The following CWC27 variants were observed in gnomAD, a reference collection of about 807,000 sequenced individuals.
CWC27 encodes the protein spliceosome-associated protein CWC27 homolog.
A neutral mutation model predicts 63.6 loss-of-function variants in CWC27; 47 were observed. That is an observed-to-expected ratio of 0.74 (90% CI 0.58 to 0.94). The LOEUF is 0.94. CWC27 is among the 40% of genes least tolerant of loss of function. The pLI is 0.00. For synonymous variants in CWC27, 175 were observed against 179.8 expected (o/e 0.97, Z 0.22); for missense variants, 495 against 554.3 (o/e 0.89, Z 1.07).
In CWC27 at chr5:64,882,232, A is replaced by C. The variant is rs1319789685; in HGVS notation, c.939-3211A>C. Among the ~76,000 whole-genome samples the C allele has an allele frequency of 3.9e-5, 6 of 152,242 alleles. No homozygotes were observed. The East Asian group carries it at 9.6e-4, about 24-fold the overall frequency. On this transcript the variant is annotated intron_variant, in intron 10 of 13. Coordinates refer to ENST00000381070, the MANE Select transcript of CWC27 (RefSeq NM_005869.4). ...CTGATTCAATGAAAGGAAAGGGAGA[A>C]GAGTCCAAGGGAAATTTAAAGTCTG...
At chr5:64,965,984 A>G (rs1749005864) in intron 11 of CWC27, among the ~76,000 whole-genome samples, 1 of 152,190 alleles carries the variant, frequency 6.6e-6, no homozygotes, top group African/African-American at 2.4e-5. Flanking sequence ...ATGGCTAGAA[A>G]ATATAAAAAG....
intron 13 of CWC27, among the ~76,000 whole-genome samples, chr5:64,979,709 A>T (rs555420750): frequency 6.6e-6 from 1 of 152,206 alleles, no homozygotes; most frequent in African/African-American, 2.4e-5. Flanking sequence ...AAAGTCAGCC[A>T]TTGTGCTGTA....
rs551414776 is a variant in CWC27 at position 64,979,140 on chromosome 5, G to A, written c.1256+1902G>A. Among the ~76,000 whole-genome samples the A allele has an allele frequency of 5.3e-5, 8 of 152,174 alleles. No homozygotes were observed. The East Asian group carries it at 9.6e-4, about 18-fold the overall frequency. ...ACATTCTCATTAGAAAGTTTAAAACGGGGAAACTTCACTGGACATGGGGAA... is the reference window on the plus strand; with the variant it reads ...ACATTCTCATTAGAAAGTTTAAAACAGGGAAACTTCACTGGACATGGGGAA... On this transcript the variant is annotated intron_variant, in intron 13 of 13. Transcript: ENST00000381070.
intron 11 of CWC27, among the ~76,000 whole-genome samples, chr5:64,913,157 A>C (rs575385436): frequency 7.2e-4 from 109 of 152,274 alleles, no homozygotes; most frequent in Middle Eastern, 3.4e-3. Flanking sequence ...AAATCATTTC[A>C]TCATTTTGAT....
chr5:64,906,111 G>T (rs1747633542), intron 11 of CWC27, among the ~76,000 whole-genome samples: 1 of 152,058 alleles, frequency 6.6e-6, no homozygotes, highest in African/African-American at 2.4e-5. Flanking sequence ...CGAAGTCTTT[G>T]TTATTATGAG....
At chr5:65,009,220 G>C (rs1204778144) in intron 13 of CWC27, among the ~76,000 whole-genome samples, 1 of 152,066 alleles carries the variant, frequency 6.6e-6, no homozygotes, top group African/African-American at 2.4e-5. Context: ...AACTGTCATA[G>C]CAACTAATAG....
intron 11 of CWC27, among the ~76,000 whole-genome samples, chr5:64,942,389 T>C (rs888475559): frequency 7.2e-6 from 1 of 138,960 alleles, no homozygotes; most frequent in Non-Finnish European, 1.5e-5. Flanking sequence ...ATGATTATAA[T>C]CATGCCACTG....
intron 11 of CWC27, among the ~76,000 whole-genome samples, chr5:64,892,808 C>T (rs1392102712): frequency 1.3e-5 from 2 of 151,790 alleles, no homozygotes; most frequent in Non-Finnish European, 2.9e-5. Flanking sequence ...CAATGATAGC[C>T]AGGGACTACA....
intron 13 of CWC27, among the ~76,000 whole-genome samples, chr5:64,994,449 A>G (rs531647427): frequency 1.3e-5 from 2 of 152,296 alleles, no homozygotes; most frequent in African/African-American, 4.8e-5. Context: ...TTGTAAATTC[A>G]TTGTTATTTC....
chr5:64,860,989 A>G (rs1746398758), intron 10 of CWC27, among the ~76,000 whole-genome samples: 1 of 152,178 alleles, frequency 6.6e-6, no homozygotes. Flanking sequence ...TGGATGGTTC[A>G]TAATGTTCTG....
chr5:64,902,112 T>G (rs1459320236), intron 11 of CWC27, among the ~76,000 whole-genome samples: 1 of 152,194 alleles, frequency 6.6e-6, no homozygotes, highest in Non-Finnish European at 1.5e-5. Context: ...CACTCTAAAA[T>G]AACAATAAAA....
At chr5:64,834,709 A>C (rs1389296575) in intron 10 of CWC27, among the ~76,000 whole-genome samples, 1 of 151,740 alleles carries the variant, frequency 6.6e-6, no homozygotes, top group Non-Finnish European at 1.5e-5. Context: ...CTCCAAGGAC[A>C]CATGTGTATT....
chr5:64,880,955 A>G (rs1475431932), intron 10 of CWC27, among the ~76,000 whole-genome samples: 1 of 150,784 alleles, frequency 6.6e-6, no homozygotes. Flanking sequence ...GTTTGGCAGT[A>G]TATGGTGACA....
chr5:64,953,847 G>A (rs1162002692), intron 11 of CWC27, among the ~76,000 whole-genome samples: 1 of 152,038 alleles, frequency 6.6e-6, no homozygotes, highest in East Asian at 1.9e-4. Flanking sequence ...CAGACATTAA[G>A]CCTAACATGG....
intron 10 of CWC27, among the ~76,000 whole-genome samples, chr5:64,840,013 GC>G (rs1204833955): frequency 1.3e-5 from 2 of 152,054 alleles, no homozygotes; most frequent in African/African-American, 4.8e-5. Context: ...GTCTCTAGGG[GC>G]TCTCTTTGGA....
chr5:64,800,044 A>C (rs1744433352), intron 7 of CWC27, among the ~76,000 whole-genome samples: 1 of 152,134 alleles, frequency 6.6e-6, no homozygotes, highest in African/African-American at 2.4e-5. Flanking sequence ...TTTTGAAAGA[A>C]AAGGTGTTTC....
chr5:64,840,071 G>C (rs1236601699), intron 10 of CWC27, among the ~76,000 whole-genome samples: 2 of 151,990 alleles, frequency 1.3e-5, no homozygotes, highest in Non-Finnish European at 2.9e-5. Context: ...AGCCCTTCAG[G>C]CTTGCCCTCT....
In CWC27 at chr5:64,877,214, A is replaced by G. The variant is rs573806531; in HGVS notation, c.939-8229A>G. Reference sequence around the variant, plus strand: ...AAAGAAACTGTGGTGTACATACACAATGGAATATTACTTGGCCATAAAAGG... The same window carrying G: ...AAAGAAACTGTGGTGTACATACACAGTGGAATATTACTTGGCCATAAAAGG... On this transcript the variant is annotated intron_variant, in intron 10 of 13. Transcript: ENST00000381070. 2.6e-5 allele frequency among the ~76,000 whole-genome samples: 4 copies of G among 152,214 alleles called. No homozygotes were observed. In the East Asian group the frequency reaches 7.7e-4, roughly 29 times the overall value.
intron 10 of CWC27, among the ~76,000 whole-genome samples, chr5:64,817,175 C>T (rs1163434111): frequency 6.6e-6 from 1 of 152,142 alleles, no homozygotes; most frequent in Non-Finnish European, 1.5e-5. Flanking sequence ...TCTTTCAGGC[C>T]TCTGCACTTC....
Sources: gnomAD v4.1 joint callset for allele counts (sites outside exome capture counted in the v4.1 genomes callset) on GRCh38, gnomAD v4.1.1 for gene constraint, MANE v1.5 for transcripts, NCBI Gene and HGNC (gene_info 2026-07-23, HGNC 2026-07-21) for gene names.